The following SYN3 variants were observed in gnomAD, a reference collection of about 807,000 sequenced individuals.
SYN3 encodes the protein synapsin III, also known as synapsin-3.
Under a neutral mutation model 65.8 loss-of-function variants are expected in SYN3, and 35 were observed. The observed-to-expected ratio is 0.53, with a 90% CI of 0.41 to 0.70. SYN3 has a LOEUF of 0.70. Ranked by LOEUF, SYN3 falls within the 30% of genes least tolerant of loss-of-function variation. The pLI is 0.00. For missense variants in SYN3, 680 were observed against 749.0 expected (o/e 0.91, Z 1.08); for synonymous variants, 270 against 292.9 (o/e 0.92, Z 0.80).
Position 32,523,560 on chromosome 22 carries a change from A to G in SYN3, c.1318+4358T>C, listed in dbSNP as rs143678063. On this transcript the variant is annotated intron_variant, in intron 12 of 13. Transcript: ENST00000358763. ...CAAAAAAAGACAGTGAACTTACTTG[A>G]TAAATGTGTGTGTTCTGGCTGCCCC... Among the ~76,000 whole-genome samples the G allele has an allele frequency of 2.0e-4, 31 of 152,274 alleles. No individual in the cohort carries two copies. The East Asian group carries it at 5.6e-3, about 27-fold the overall frequency.
intron 7 of SYN3, among the ~76,000 whole-genome samples, chr22:32,545,707 C>T (rs371887955): frequency 3.3e-5 from 5 of 152,084 alleles, no homozygotes; most frequent in East Asian, 3.9e-4. Flanking sequence ...ACTACAGGTG[C>T]GTGCCACCAT....
chr22:32,902,871 C>CAAAA (rs1158432098), intron 4 of SYN3, among the ~76,000 whole-genome samples: 1 of 127,518 alleles, frequency 7.8e-6, no homozygotes, highest in African/African-American at 2.8e-5. Flanking sequence ...CCCCTGGAGA[C>CAAAA]AAAAAAAAAA....
At chr22:33,025,484 A>C (rs1012367187) in intron 1 of SYN3, among the ~76,000 whole-genome samples, 2 of 150,394 alleles carry the variant, frequency 1.3e-5, no homozygotes, top group African/African-American at 4.9e-5. Context: ...AAATACAAAA[A>C]TTAGCTGGGC....
intron 6 of SYN3, among the ~76,000 whole-genome samples, chr22:32,600,803 T>G (rs2059270762): frequency 6.6e-6 from 1 of 152,108 alleles, no homozygotes; most frequent in African/African-American, 2.4e-5. Context: ...TTCTCCTGCC[T>G]CAGACTTCCG....
At chr22:32,811,741 C>T (rs1231058794) in intron 6 of SYN3, among the ~76,000 whole-genome samples, 5 of 152,224 alleles carry the variant, frequency 3.3e-5, no homozygotes, top group South Asian at 2.1e-4. Flanking sequence ...TTGAGAATGG[C>T]GGGGTTCTGT....
intron 6 of SYN3, among the ~76,000 whole-genome samples, chr22:32,856,776 G>A (rs559288583): frequency 4.6e-5 from 7 of 152,078 alleles, no homozygotes; most frequent in African/African-American, 9.7e-5. Context: ...CTGCGTACTC[G>A]TATTTTTGTA....
At position 33,036,089 on chromosome 22, in the gene SYN3, G is replaced by A. The variant is rs1185080094; in HGVS notation, c.-163+22203C>T. Among the ~76,000 whole-genome samples, 4 of 152,036 alleles carry A rather than the reference G, an allele frequency of 2.6e-5. 1 individual carries two copies. The highest frequency in any genetic ancestry group is 2.6e-4 in the Admixed American group (4 of 15,264). ...CCGGGCACTAAGGAAAGTCTCACAAGAGTATAAGCATTTGCCTTACCGCCT... is the reference window on the plus strand; with the variant it reads ...CCGGGCACTAAGGAAAGTCTCACAAAAGTATAAGCATTTGCCTTACCGCCT... On this transcript the variant is annotated intron_variant, in intron 1 of 13. Coordinates refer to ENST00000358763, the MANE Select transcript of SYN3 (RefSeq NM_003490.4).
At chr22:32,960,732 C>CTGACCAG (rs1569359009) in intron 3 of SYN3, among the ~76,000 whole-genome samples, 1 of 152,206 alleles carries the variant, frequency 6.6e-6, no homozygotes, top group East Asian at 1.9e-4. Context: ...CTGGGACACA[C>CTGACCAG]TGACCAGTGT....
intron 4 of SYN3, among the ~76,000 whole-genome samples, chr22:32,929,265 A>G (rs2050563264): frequency 6.6e-6 from 1 of 152,174 alleles, no homozygotes; most frequent in South Asian, 2.1e-4. Flanking sequence ...CTGGGCAACA[A>G]GAGCGAAACT....
chr22:32,826,392 G>A (rs1285892239), intron 6 of SYN3, among the ~76,000 whole-genome samples: 1 of 152,106 alleles, frequency 6.6e-6, no homozygotes, highest in Non-Finnish European at 1.5e-5. Flanking sequence ...TTGTGTCACT[G>A]CACTATAGCT....
chr22:32,618,992 T>G (rs924968032), intron 6 of SYN3, among the ~76,000 whole-genome samples: 9 of 152,162 alleles, frequency 5.9e-5, no homozygotes, highest in South Asian at 4.1e-4. Flanking sequence ...TAGAGAGGAC[T>G]CTAAATGCAG....
chr22:32,743,608 G>A (rs1046464216), intron 6 of SYN3, among the ~76,000 whole-genome samples: 10 of 152,134 alleles, frequency 6.6e-5, no homozygotes, highest in African/African-American at 2.4e-4. Context: ...CCAGCCACTT[G>A]CCCACCTGAG....
chr22:32,874,899 A>G (rs967036908), intron 4 of SYN3, among the ~76,000 whole-genome samples: 1 of 152,184 alleles, frequency 6.6e-6, no homozygotes, highest in African/African-American at 2.4e-5. Context: ...GGGGAAGGGG[A>G]CAAAGGGAAC....
intron 12 of SYN3, chr22:32,527,659 A>G: frequency 2.5e-6 from 1 of 400,442 alleles, no homozygotes; most frequent in East Asian, 4.2e-5. Context: ...TGGGAAAATA[A>G]AAGTGAGAAA....
intron 6 of SYN3, among the ~76,000 whole-genome samples, chr22:32,787,013 G>A (rs2145859690): frequency 6.6e-6 from 1 of 151,584 alleles, no homozygotes; most frequent in East Asian, 1.9e-4. Flanking sequence ...CCATACTTCA[G>A]CATCCCGAAT....
chr22:32,992,004 TCCACC>T (rs1282181223), intron 2 of SYN3, among the ~76,000 whole-genome samples: 1 of 152,172 alleles, frequency 6.6e-6, no homozygotes, highest in Non-Finnish European at 1.5e-5. Context: ...AGAAATCTAC[TCCACC>T]CCAGGAGTAG....
intron 8 of SYN3, 116 bp from the exon 9 acceptor site, chr22:32,538,226 G>T: frequency 2.3e-6 from 2 of 854,744 alleles, no homozygotes; most frequent in South Asian, 1.4e-5. Context: ...TCACGTAATG[G>T]CATGTATTCT....
intron 6 of SYN3, among the ~76,000 whole-genome samples, chr22:32,773,480 T>C (rs2045828572): frequency 6.6e-6 from 1 of 150,610 alleles, no homozygotes. Flanking sequence ...AGGTTCTTGC[T>C]GGCTGGGGAC....
At chr22:32,634,398 G>T (rs904451543) in intron 6 of SYN3, among the ~76,000 whole-genome samples, 6 of 152,190 alleles carry the variant, frequency 3.9e-5, no homozygotes, top group African/African-American at 1.2e-4. Flanking sequence ...GCTACTTGCT[G>T]TGGCACTGAA....
Sources: gnomAD v4.1 joint callset for allele counts (sites outside exome capture counted in the v4.1 genomes callset) on GRCh38, gnomAD v4.1.1 for gene constraint, MANE v1.5 for transcripts, NCBI Gene and HGNC (gene_info 2026-07-23, HGNC 2026-07-21) for gene names.